Variants in GPR141 observed in about 807,000 individuals in gnomAD.
GPR141 encodes probable G protein-coupled receptor 141.
GPR141 carries 6 observed loss-of-function variants against 6.8 expected under a neutral mutation model. The ratio of observed to expected loss-of-function variants is 0.88; its 90% CI spans 0.48 to 1.74. The LOEUF is 1.74. Ranked by LOEUF, GPR141 falls within the 40% of genes most tolerant of loss-of-function variation. The probability of loss-of-function intolerance (pLI) is 0.01; values close to 1 mark genes in which losing one functional copy is unlikely to be tolerated. For missense variants in GPR141, 372 were observed against 372.9 expected (o/e 1.00, Z 0.02); for synonymous variants, 140 against 142.3 (o/e 0.98, Z 0.11).
chr7:37,698,889 T>C (rs1292515100), intron 2 of GPR141, among the ~76,000 whole-genome samples: 1 of 152,210 alleles, frequency 6.6e-6, no homozygotes, highest in Non-Finnish European at 1.5e-5. Context: ...TGTTGAGCAG[T>C]TTCTGTATCC....
At chr7:37,704,498 AACTC>A (rs775130244) in intron 2 of GPR141, among the ~76,000 whole-genome samples, 4 of 152,236 alleles carry the variant, frequency 2.6e-5, no homozygotes, top group Non-Finnish European at 4.4e-5. Flanking sequence ...ATCTTGTGAG[AACTC>A]ACTCACTATC....
intron 2 of GPR141, among the ~76,000 whole-genome samples, chr7:37,700,771 A>G (rs1350055558): frequency 6.6e-6 from 1 of 152,344 alleles, no homozygotes; most frequent in Non-Finnish European, 1.5e-5. Flanking sequence ...TCTATGGATA[A>G]ATATGGAAGA....
chr7:37,716,560 C>T (rs867198586), intron 2 of GPR141, among the ~76,000 whole-genome samples: 2 of 151,764 alleles, frequency 1.3e-5, no homozygotes, highest in East Asian at 1.9e-4. Flanking sequence ...ATATAGGGCT[C>T]CAAAGAACAA....
chr7:37,731,424 A>C (rs1331687695), intron 2 of GPR141, among the ~76,000 whole-genome samples: 4 of 152,170 alleles, frequency 2.6e-5, no homozygotes, highest in Admixed American at 6.5e-5. Context: ...TAGGTCAACT[A>C]ATTAAAAATT....
intron 2 of GPR141, among the ~76,000 whole-genome samples, chr7:37,734,278 G>A (rs1402390030): frequency 6.6e-6 from 1 of 152,200 alleles, no homozygotes; most frequent in East Asian, 1.9e-4. Context: ...AGGTAGGTAG[G>A]GCTTATCCAC....
intron 2 of GPR141, among the ~76,000 whole-genome samples, chr7:37,737,340 A>G (rs922161301): frequency 2.0e-5 from 3 of 151,496 alleles, no homozygotes; most frequent in African/African-American, 7.3e-5. Context: ...TGTTTACTCT[A>G]TTTACATTTA....
intron 2 of GPR141, among the ~76,000 whole-genome samples, chr7:37,686,909 G>A (rs574199598): frequency 2.6e-5 from 4 of 152,162 alleles, no homozygotes; most frequent in East Asian, 1.9e-4. Context: ...CTGGGATGGC[G>A]TGAGTGGAGA....
intron 2 of GPR141, among the ~76,000 whole-genome samples, chr7:37,731,534 C>T (rs951307891): frequency 1.3e-5 from 2 of 152,104 alleles, no homozygotes; most frequent in African/African-American, 2.4e-5. Context: ...AGCTCCGCCT[C>T]CCGGGTTCAC....
At chr7:37,692,392 A>G (rs960578381) in intron 2 of GPR141, among the ~76,000 whole-genome samples, 1 of 152,146 alleles carries the variant, frequency 6.6e-6, no homozygotes, top group African/African-American at 2.4e-5. Context: ...TATCCAGTCT[A>G]TCATTTATGG....
At chr7:37,734,171 A>G (rs1812122559) in intron 2 of GPR141, among the ~76,000 whole-genome samples, 1 of 152,230 alleles carries the variant, frequency 6.6e-6, no homozygotes, top group Admixed American at 6.5e-5. Flanking sequence ...AGACTGTCCC[A>G]ACTCATTAAT....
chr7:37,691,287 CCTTTTTTTTTTTTT>C lies in GPR141; in HGVS notation c.-15+5705_-15+5718del, dbSNP rs1380857544. Among the ~76,000 whole-genome samples, 12 of 93,672 alleles carry C rather than the reference CCTTTTTTTTTTTTT, an allele frequency of 1.3e-4. 1 individual carries two copies. The highest frequency in any genetic ancestry group is 4.5e-4 in the African/African-American group (10 of 22,454). The allele number at this position is 93,672 out of a possible 152,430, so 61.5% of individuals were successfully genotyped here. A position where few individuals can be genotyped will look rare whatever the true frequency, so the allele number is the denominator to read the frequency against. ...TTTAACCTAGTTACCCAGTCTATATCCTTTTTTTTTTTTTTTTTTTTTTTTGAGACAGAGTCTCG... is the reference window on the plus strand; with the variant it reads ...TTTAACCTAGTTACCCAGTCTATATCTTTTTTTTTTTGAGACAGAGTCTCG... On this transcript the variant is annotated intron_variant, in intron 2 of 2. Coordinates refer to ENST00000334425, the MANE Select transcript of GPR141 (RefSeq NM_001381946.1).
rs542777721 is a variant in GPR141, at chr7:37,711,441, T to C, written c.-15+25858T>C. Among the ~76,000 whole-genome samples the C allele has an allele frequency of 3.3e-5, 5 of 152,266 alleles. No individual in the cohort carries two copies. The East Asian group carries it at 7.7e-4, about 24-fold the overall frequency. ...GAGTAAGTGTGGAAAAATCAAGTCA[T>C]GGGGCAGGAGCAGGTGAATTGTGGG... On this transcript the variant is annotated intron_variant, in intron 2 of 2. Coordinates refer to ENST00000334425, the MANE Select transcript of GPR141 (RefSeq NM_001381946.1).
intron 2 of GPR141, among the ~76,000 whole-genome samples, chr7:37,688,483 GAT>G: frequency 6.6e-6 from 1 of 152,224 alleles, no homozygotes; most frequent in East Asian, 1.9e-4. Flanking sequence ...AGTAAAAAGA[GAT>G]ATAAAACTGA....
chr7:37,692,414 G>A (rs916349983), intron 2 of GPR141, among the ~76,000 whole-genome samples: 1 of 152,104 alleles, frequency 6.6e-6, no homozygotes, highest in African/African-American at 2.4e-5. Flanking sequence ...CATTTGGGTT[G>A]GATCCAAGTC....
chr7:37,703,428 T>C (rs1171629239), intron 2 of GPR141, among the ~76,000 whole-genome samples: 1 of 152,216 alleles, frequency 6.6e-6, no homozygotes, highest in Non-Finnish European at 1.5e-5. Flanking sequence ...ATTCTGGAAA[T>C]TTCTCAGCTA....
At chr7:37,689,438 T>C (rs1272692024) in intron 2 of GPR141, among the ~76,000 whole-genome samples, 2 of 152,144 alleles carry the variant, frequency 1.3e-5, no homozygotes, top group African/African-American at 4.8e-5. Context: ...TTCTCTTCAA[T>C]TTTATGGAAG....
intron 2 of GPR141, among the ~76,000 whole-genome samples, chr7:37,718,602 G>A (rs140932019): frequency 9.5e-4 from 145 of 152,312 alleles, no homozygotes; most frequent in Non-Finnish European, 1.5e-3. Flanking sequence ...TAGAGAAAAT[G>A]TGGGTTAGAA....
intron 2 of GPR141, among the ~76,000 whole-genome samples, chr7:37,724,601 A>G (rs1811534353): frequency 6.6e-6 from 1 of 152,092 alleles, no homozygotes; most frequent in Non-Finnish European, 1.5e-5. Flanking sequence ...TCTTTTCTCA[A>G]TATATTTTGG....
At chr7:37,703,937 A>G (rs976716594) in intron 2 of GPR141, among the ~76,000 whole-genome samples, 1 of 152,018 alleles carries the variant, frequency 6.6e-6, no homozygotes, top group Non-Finnish European at 1.5e-5. Context: ...ATGCCTATAC[A>G]TTTTAAAAAA....
Sources: gnomAD v4.1 joint callset for allele counts (sites outside exome capture counted in the v4.1 genomes callset) on GRCh38, gnomAD v4.1.1 for gene constraint, MANE v1.5 for transcripts, NCBI Gene and HGNC (gene_info 2026-07-23, HGNC 2026-07-21) for gene names.